The following GRM5 variants were observed in gnomAD, a reference collection of about 807,000 sequenced individuals.
GRM5 encodes the protein metabotropic glutamate receptor 5.
Under a neutral mutation model 83.1 loss-of-function variants are expected in GRM5, and 19 were observed. That is an observed-to-expected ratio of 0.23 (90% CI 0.16 to 0.34). The LOEUF (loss-of-function observed/expected upper bound fraction) is 0.34. Among genes scored for constraint, GRM5 ranks in the 10% least tolerant of loss-of-function variants. The probability of loss-of-function intolerance (pLI) is 1.00; values close to 1 mark genes in which losing one functional copy is unlikely to be tolerated. For synonymous variants in GRM5, 675 were observed against 633.6 expected (o/e 1.07, Z -0.98); for missense variants, 1,160 against 1,588.3 (o/e 0.73, Z 4.58).
chr11:89,064,884 C>G (rs376346802), intron 1 of GRM5, among the ~76,000 whole-genome samples: 8,711 of 61,088 alleles, frequency 0.14, 331 homozygotes, highest in Middle Eastern at 0.23. Context: ...CTCTCTCTCT[C>G]TCTCTGTGTG....
At position 88,933,187 on chromosome 11, in the gene GRM5, A is replaced by ATTTTTTTTTT. The variant is rs57318577; in HGVS notation, c.662-83042_662-83033dup. 7.5e-5 allele frequency among the ~76,000 whole-genome samples: 8 copies of ATTTTTTTTTT among 106,298 alleles called. 3 individuals carry two copies. The highest frequency in any genetic ancestry group is 3.6e-5 in the Non-Finnish European group (2 of 55,586). The allele number at this position is 106,298 out of a possible 152,430, so 69.7% of individuals were successfully genotyped here. A position where few individuals can be genotyped will look rare whatever the true frequency, so the allele number is the denominator to read the frequency against. ...GGTCTGCAATTCAAATATTTGGGGC[A>ATTTTTTTTTT]TTTTTTTTTTTTTTTTTTTTGCTAA... On this transcript the variant is annotated intron_variant, in intron 2 of 9. Coordinates refer to ENST00000305447, the MANE Select transcript of GRM5 (RefSeq NM_001143831.3).
chr11:88,963,990 T>C (rs1938864737), intron 2 of GRM5, among the ~76,000 whole-genome samples: 1 of 152,164 alleles, frequency 6.6e-6, no homozygotes, highest in Non-Finnish European at 1.5e-5. Flanking sequence ...TGAAGGACAC[T>C]AGGATGGAGA....
chr11:88,559,802 G>A (rs1368419550), intron 8 of GRM5, among the ~76,000 whole-genome samples: 1 of 152,138 alleles, frequency 6.6e-6, no homozygotes, highest in Admixed American at 6.6e-5. Context: ...TGTCTGTGGC[G>A]AGTCTAGAGA....
intron 8 of GRM5, among the ~76,000 whole-genome samples, chr11:88,539,083 C>A (rs544142340): frequency 1.3e-5 from 2 of 152,296 alleles, no homozygotes; most frequent in East Asian, 1.9e-4. Context: ...CTCTGTGATA[C>A]TAACTTTGAT....
chr11:88,762,388 T>C (rs772945309), intron 3 of GRM5, among the ~76,000 whole-genome samples: 6 of 151,372 alleles, frequency 4.0e-5, no homozygotes, highest in East Asian at 1.9e-4. Flanking sequence ...ATGAACACTT[T>C]TCAAAATAAT....
At chr11:88,966,732 A>ATG (rs1236221245) in intron 2 of GRM5, among the ~76,000 whole-genome samples, 1 of 152,172 alleles carries the variant, frequency 6.6e-6, no homozygotes, top group African/African-American at 2.4e-5. Flanking sequence ...ATGGACTTTC[A>ATG]TGAATGAGAC....
chr11:88,871,565 C>T lies in GRM5; in HGVS notation c.662-21410G>A, dbSNP rs529242252. On this transcript the variant is annotated intron_variant, in intron 2 of 9. Coordinates refer to ENST00000305447, the MANE Select transcript of GRM5 (RefSeq NM_001143831.3). ...GTAGAGCATAAATCAGACTTGAGTG[C>T]AAAGTTTGGATGAAGAATAGGAGGT... is the stretch of plus-strand genomic sequence containing the variant. 2.9e-4 allele frequency among the ~76,000 whole-genome samples: 44 copies of T among 151,484 alleles called. No individual in the cohort carries two copies. The South Asian group carries it at 7.1e-3, about 24-fold the overall frequency.
At chr11:89,020,960 A>C (rs1474889162) in intron 2 of GRM5, among the ~76,000 whole-genome samples, 1 of 152,222 alleles carries the variant, frequency 6.6e-6, no homozygotes. Flanking sequence ...CTGTTTACCA[A>C]GGCTATTTCC....
intron 3 of GRM5, among the ~76,000 whole-genome samples, chr11:88,754,580 G>A (rs1942356518): frequency 6.6e-6 from 1 of 152,058 alleles, no homozygotes; most frequent in Admixed American, 6.6e-5. Flanking sequence ...ATACATCTGA[G>A]ATTCTCAAAG....
chr11:89,024,575 C>A (rs970008767), intron 2 of GRM5, among the ~76,000 whole-genome samples: 3 of 152,142 alleles, frequency 2.0e-5, no homozygotes, highest in Non-Finnish European at 2.9e-5. Context: ...TTATGTATAT[C>A]TTATCACCTC....
At position 88,508,574 on chromosome 11, in the gene GRM5, C is replaced by T; in HGVS notation, c.*18G>A. ...GCTCCGCTCCGCACGCGCAGGCCGGCGTGCTTTCCAGGGACATTCACAACG... is the reference window on the plus strand; with the variant it reads ...GCTCCGCTCCGCACGCGCAGGCCGGTGTGCTTTCCAGGGACATTCACAACG... On this transcript the variant is annotated 3_prime_UTR_variant, in exon 10 of 10. Coordinates refer to ENST00000305447, the MANE Select transcript of GRM5 (RefSeq NM_001143831.3). This position sits in a 1 kb window ranked among gnomAD's most constrained non-coding sequence, Gnocchi z 4.2. The T allele has an allele frequency of 1.3e-6, 2 of 1,598,482 alleles. No homozygotes were observed. The highest frequency in any genetic ancestry group is 1.7e-6 in the Non-Finnish European group (2 of 1,169,608).
intron 3 of GRM5, among the ~76,000 whole-genome samples, chr11:88,686,515 A>G (rs879247943): frequency 6.6e-6 from 1 of 152,194 alleles, no homozygotes. Flanking sequence ...ATGTGAAGGC[A>G]TAAGATTTGG....
At chr11:88,754,807 G>T (rs1942363336) in intron 3 of GRM5, among the ~76,000 whole-genome samples, 1 of 151,980 alleles carries the variant, frequency 6.6e-6, no homozygotes, top group South Asian at 2.1e-4. Context: ...ACTATAACTT[G>T]CCAAAGTCTG....
chr11:89,043,282 G>A (rs1941573396), intron 2 of GRM5, among the ~76,000 whole-genome samples: 1 of 152,126 alleles, frequency 6.6e-6, no homozygotes, highest in Non-Finnish European at 1.5e-5. Flanking sequence ...AGGAAAACTA[G>A]TGAAGTGTGA....
intron 3 of GRM5, among the ~76,000 whole-genome samples, chr11:88,761,421 G>A (rs563151238): frequency 1.3e-5 from 2 of 151,980 alleles, no homozygotes; most frequent in African/African-American, 2.4e-5. Context: ...ATCAAACCAA[G>A]AGCCAAATCA....
At chr11:89,015,649 G>T (rs1366400981) in intron 2 of GRM5, among the ~76,000 whole-genome samples, 1 of 152,166 alleles carries the variant, frequency 6.6e-6, no homozygotes, top group Non-Finnish European at 1.5e-5. Flanking sequence ...TGTTTTAAAA[G>T]CCCAGGTAGC....
At chr11:88,796,874 TGAAAG>T (rs1400164599) in intron 3 of GRM5, among the ~76,000 whole-genome samples, 3 of 146,626 alleles carry the variant, frequency 2.0e-5, no homozygotes, top group African/African-American at 5.0e-5. Context: ...ATTACCTAGA[TGAAAG>T]GAAAGTACAC....
At chr11:89,012,115 T>G (rs1236229078) in intron 2 of GRM5, among the ~76,000 whole-genome samples, 4 of 149,178 alleles carry the variant, frequency 2.7e-5, no homozygotes, top group African/African-American at 9.9e-5. Context: ...ATGGAGGGAG[T>G]GAGTGAAGAA....
intron 2 of GRM5, among the ~76,000 whole-genome samples, chr11:88,915,289 G>A (rs1945569814): frequency 6.6e-6 from 1 of 152,062 alleles, no homozygotes; most frequent in African/African-American, 2.4e-5. Flanking sequence ...CTTTCCTAAT[G>A]TAACAAGATT....
Sources: gnomAD v4.1 joint callset for allele counts (sites outside exome capture counted in the v4.1 genomes callset) on GRCh38, gnomAD v4.1.1 for gene constraint, Gnocchi (gnomAD v3.1) non-coding constraint, MANE v1.5 for transcripts, NCBI Gene and HGNC (gene_info 2026-07-23, HGNC 2026-07-21) for gene names.